ADAM32: variants seen among roughly 807,000 people sequenced by gnomAD.
ADAM32 encodes the protein ADAM metallopeptidase domain 32.
In ADAM32, 89 loss-of-function variants were observed where a neutral mutation model predicts 114.9. The observed-to-expected ratio is 0.77, with a 90% CI of 0.65 to 0.92. ADAM32 has a LOEUF of 0.92. ADAM32 is among the 40% of genes least tolerant of loss of function. ADAM32 has a pLI of 0.00. For missense variants in ADAM32, 870 were observed against 932.8 expected (o/e 0.93, Z 0.88); for synonymous variants, 285 against 307.5 (o/e 0.93, Z 0.77).
At chr8:39,185,346 A>AAAAAACAC (rs1554609614) in intron 10 of ADAM32, among the ~76,000 whole-genome samples, 7 of 146,492 alleles carry the variant, frequency 4.8e-5, no homozygotes, top group African/African-American at 7.6e-5. Context: ...AGTCTACAAA[A>AAAAAACAC]AAAAAACAAA....
intron 2 of ADAM32, among the ~76,000 whole-genome samples, chr8:39,118,486 T>C (rs993175317): frequency 1.3e-5 from 2 of 152,158 alleles, no homozygotes; most frequent in Non-Finnish European, 2.9e-5. Context: ...TCTAAGACAA[T>C]TTCTTTTAAC....
At position 39,200,013 on chromosome 8, in the gene ADAM32, C is replaced by T. The variant is rs543181470; in HGVS notation, c.1053-11131C>T. Among the ~76,000 whole-genome samples, 3 of 152,112 alleles carry T rather than the reference C, an allele frequency of 2.0e-5. No individual in the cohort carries two copies. In the East Asian group the frequency reaches 5.8e-4, roughly 29 times the overall value. The stretch of plus-strand genomic sequence containing the variant: ...ATATGTGCCACATTTTCTTAATCCA[C>T]TCTATCACTGATGGACATTTGGGTT... On this transcript the variant is annotated intron_variant, in intron 11 of 24. Transcript: ENST00000379907.
intron 19 of ADAM32, among the ~76,000 whole-genome samples, chr8:39,266,464 T>C (rs1289078207): frequency 6.6e-6 from 1 of 152,222 alleles, no homozygotes; most frequent in Non-Finnish European, 1.5e-5. Context: ...TATAATGCTT[T>C]CAGTTGCTTT....
intron 16 of ADAM32, among the ~76,000 whole-genome samples, chr8:39,243,020 A>G (rs1810664297): frequency 6.6e-6 from 1 of 152,152 alleles, no homozygotes; most frequent in Non-Finnish European, 1.5e-5. Context: ...TGAACACAAA[A>G]TAGATAACCT....
At chr8:39,144,195 T>C (rs55713884) in intron 3 of ADAM32, among the ~76,000 whole-genome samples, 78,994 of 152,086 alleles carry the variant, frequency 0.52, 21,534 homozygotes, top group Non-Finnish European at 0.6. Flanking sequence ...GACAACACCC[T>C]GTCCTGGTTC....
intron 16 of ADAM32, among the ~76,000 whole-genome samples, chr8:39,244,894 A>T (rs1382555047): frequency 2.0e-5 from 3 of 152,264 alleles, no homozygotes; most frequent in Non-Finnish European, 4.4e-5. Flanking sequence ...ACCTGAAGCC[A>T]TAAAAATCCT....
chr8:39,117,843 T>C (rs761276756), intron 1 of ADAM32, among the ~76,000 whole-genome samples: 3 of 152,138 alleles, frequency 2.0e-5, no homozygotes, highest in African/African-American at 4.8e-5. Flanking sequence ...TTTTGGTGTG[T>C]ATTTTCTATT....
intron 9 of ADAM32, chr8:39,166,984 G>C (rs1297866422): frequency 1.3e-5 from 2 of 152,068 alleles, no homozygotes; most frequent in Non-Finnish European, 2.9e-5. Context: ...TCACTCTGTG[G>C]GTTGTCTGTT....
chr8:39,154,305 T>C (rs2129445695), intron 6 of ADAM32, among the ~76,000 whole-genome samples: 1 of 152,198 alleles, frequency 6.6e-6, no homozygotes, highest in Non-Finnish European at 1.5e-5. Context: ...TTTTCTGTTC[T>C]TGTGTTAGTT....
At chr8:39,176,509 T>C (rs1805540560) in intron 10 of ADAM32, among the ~76,000 whole-genome samples, 2 of 152,260 alleles carry the variant, frequency 1.3e-5, no homozygotes, top group Admixed American at 6.5e-5. Context: ...AGTGAGTTTC[T>C]GAATTTTGAG....
chr8:39,148,359 A>T (rs1294188333), intron 4 of ADAM32, among the ~76,000 whole-genome samples: 1 of 152,044 alleles, frequency 6.6e-6, no homozygotes, highest in Admixed American at 6.6e-5. Context: ...GTTCTTTCCC[A>T]ACAGACCCAT....
At chr8:39,194,168 A>G (rs972590306) in intron 11 of ADAM32, among the ~76,000 whole-genome samples, 2 of 152,126 alleles carry the variant, frequency 1.3e-5, no homozygotes, top group African/African-American at 4.8e-5. Context: ...TGGTGTTAGC[A>G]TGGGGGCACT....
chr8:39,203,222 G>C (rs1191430645), intron 11 of ADAM32, among the ~76,000 whole-genome samples: 2 of 152,152 alleles, frequency 1.3e-5, no homozygotes, highest in African/African-American at 4.8e-5. Flanking sequence ...GTCTAATGTT[G>C]ACAATGGGGT....
chr8:39,283,776 T>TC (rs1813597907), intron 24 of ADAM32, among the ~76,000 whole-genome samples, 152 bp downstream of exon 24: 1 of 148,918 alleles, frequency 6.7e-6, no homozygotes, highest in Admixed American at 6.6e-5. Flanking sequence ...TTATTCTTTT[T>TC]TTTTTTTTTT....
rs1466936469 is a variant in ADAM32 at position 39,275,870 on chromosome 8, A to G, written c.2279+4A>G. On this transcript the variant is annotated splice_donor_region_variant and intron_variant, in intron 22 of 24. Transcript: ENST00000379907. ...GCAGTCAAGCTGATACTAGCAAGTA[A>G]GTGAATTAGGGGGCATTTTTTTTAT... The G allele has an allele frequency of 9.0e-6, 14 of 1,555,602 alleles. No homozygotes were observed. The East Asian group carries it at 1.7e-4, about 19-fold the overall frequency.
At chr8:39,159,821 C>G (rs1804377860) in intron 6 of ADAM32, among the ~76,000 whole-genome samples, 1 of 152,130 alleles carries the variant, frequency 6.6e-6, no homozygotes. Flanking sequence ...GTATTTCTTC[C>G]TCTGGCACGG....
intron 11 of ADAM32, among the ~76,000 whole-genome samples, chr8:39,209,164 T>C (rs1481601232): frequency 1.3e-5 from 2 of 152,348 alleles, no homozygotes; most frequent in African/African-American, 2.4e-5. Context: ...TTATTTGTTC[T>C]TTTAAATTCA....
rs141961785 is a variant in ADAM32, at chr8:39,212,261, G to A, written c.1233+937G>A. On this transcript the variant is annotated intron_variant, in intron 12 of 24. Transcript: ENST00000379907. ...ACTCCTGACCTCAAGTAATCCACCTGCCTCGGCCTCCCAAAGTGCTGGGAT... is the reference window on the plus strand; with the variant it reads ...ACTCCTGACCTCAAGTAATCCACCTACCTCGGCCTCCCAAAGTGCTGGGAT... Among the ~76,000 whole-genome samples, 7 of 152,118 alleles carry A rather than the reference G, an allele frequency of 4.6e-5. No homozygotes were observed. The East Asian group carries it at 1.4e-3, about 29-fold the overall frequency.
rs752389361 is a variant in ADAM32 at position 39,165,171 on chromosome 8, C to T, written c.808C>T (p.Pro270Ser). ...EWKQSYLNLR[P>S]HDIAYLLIYM... ...GAAACAATCTTATCTTAACCTAAGGCCTCATGATATTGCATATCTACTAAT... is the reference window on the plus strand; with the variant it reads ...GAAACAATCTTATCTTAACCTAAGGTCTCATGATATTGCATATCTACTAAT... The change falls in exon 9 of 25, where the codon CCT becomes TCT. Residue 270 changes from proline to serine, a missense_variant. Transcript: ENST00000379907. 3 of 1,578,948 alleles carry T rather than the reference C, an allele frequency of 1.9e-6. No individual in the cohort carries two copies. Among genetic ancestry groups the T allele is most frequent in the Middle Eastern group, 1.7e-4 (1 of 5,856 alleles).
Sources: allele counts gnomAD v4.1 joint callset (sites outside exome capture counted in the v4.1 genomes callset), GRCh38; gene constraint gnomAD v4.1.1; transcripts MANE v1.5; gene names NCBI Gene and HGNC (gene_info 2026-07-23, HGNC 2026-07-21).